SPATA13: variants seen among roughly 807,000 people sequenced by gnomAD.
SPATA13 encodes spermatogenesis associated 13.
Under a neutral mutation model 104.0 loss-of-function variants are expected in SPATA13, and 50 were observed. The ratio of observed to expected loss-of-function variants is 0.48; its 90% CI spans 0.38 to 0.61. SPATA13 has a LOEUF of 0.61. SPATA13 is among the 20% of genes least tolerant of loss of function. SPATA13 has a pLI of 0.00. For missense variants in SPATA13, 1,524 were observed against 1,690.6 expected, an observed-to-expected ratio of 0.90 and a Z score of 1.73; for synonymous variants, 606 against 667.5, an observed-to-expected ratio of 0.91 and a Z score of 1.42.
chr13:23,989,318 A>G (rs1360635926), intron 2 of SPATA13, among the ~76,000 whole-genome samples: 1 of 151,952 alleles, frequency 6.6e-6, no homozygotes, highest in African/African-American at 2.4e-5. Context: ...GCTACTCAGG[A>G]GGCTGAGGAA....
intron 3 of SPATA13, among the ~76,000 whole-genome samples, chr13:24,019,983 C>T (rs1175856629): frequency 1.3e-5 from 2 of 152,176 alleles, no homozygotes; most frequent in African/African-American, 4.8e-5. Context: ...CAGACATCTA[C>T]GTTTATTGAA....
intron 1 of SPATA13, among the ~76,000 whole-genome samples, chr13:24,197,431 A>G (rs56997064): frequency 0.033 from 5,085 of 152,302 alleles, 303 homozygotes; most frequent in African/African-American, 0.11. Flanking sequence ...TAGCTCATCA[A>G]TGAGGGAACC....
intron 7 of SPATA13, among the ~76,000 whole-genome samples, chr13:24,287,784 C>T (rs1052415572): frequency 6.6e-6 from 1 of 152,208 alleles, no homozygotes; most frequent in Admixed American, 6.5e-5. Flanking sequence ...AGTAGAGGTG[C>T]ACCTGAAAGG....
rs1172747696 is a variant in SPATA13, at chr13:24,306,439, A to G, written c.*3666A>G. On this transcript the variant is annotated 3_prime_UTR_variant, in exon 13 of 13. Coordinates refer to ENST00000382108, the MANE Select transcript of SPATA13 (RefSeq NM_001166271.3). Reference sequence around the variant, plus strand: ...CCTCAAAGGAGTGTCAAGAAGTATGAATAAATGTCCTTTCACCAGCTCACA... The same window carrying G: ...CCTCAAAGGAGTGTCAAGAAGTATGGATAAATGTCCTTTCACCAGCTCACA... 1 of 152,226 alleles carries G rather than the reference A, an allele frequency of 6.6e-6. No homozygotes were observed. The highest frequency in any genetic ancestry group is 2.4e-5 in the African/African-American group (1 of 41,456). The allele number at this position is 152,226 out of a possible 1,614,324, so 9.4% of individuals were successfully genotyped here.
At chr13:24,159,031 T>C (rs1456368491), upstream of SPATA13, among the ~76,000 whole-genome samples, 5 of 152,218 alleles carry the variant, frequency 3.3e-5, no homozygotes, top group Non-Finnish European at 5.9e-5. Flanking sequence ...GAAATAACCT[T>C]TTGAAACACA....
intron 3 of SPATA13, among the ~76,000 whole-genome samples, chr13:24,141,413 C>T (rs1881758341): frequency 6.6e-6 from 1 of 152,158 alleles, no homozygotes; most frequent in Non-Finnish European, 1.5e-5. Context: ...CTTGCTAATG[C>T]ATTTGAATCT....
At chr13:24,106,687 G>A (rs570828428) in intron 3 of SPATA13, among the ~76,000 whole-genome samples, 4 of 152,268 alleles carry the variant, frequency 2.6e-5, no homozygotes, top group South Asian at 4.1e-4. Context: ...GCTGGCTCTC[G>A]TTCCAGGGCA....
intron 3 of SPATA13, among the ~76,000 whole-genome samples, chr13:24,106,655 C>T (rs1017763220): frequency 6.6e-6 from 1 of 152,124 alleles, no homozygotes; most frequent in Non-Finnish European, 1.5e-5. Flanking sequence ...ATGTGGAATC[C>T]CCTGGTTCTG....
chr13:24,080,400 G>A (rs954504250), intron 3 of SPATA13, among the ~76,000 whole-genome samples: 2 of 152,178 alleles, frequency 1.3e-5, no homozygotes, highest in African/African-American at 2.4e-5. Flanking sequence ...AAGCTTTGGC[G>A]GCTTGGGCCC....
chr13:24,134,211 C>T (rs1004866005), intron 3 of SPATA13, among the ~76,000 whole-genome samples: 7 of 152,178 alleles, frequency 4.6e-5, no homozygotes, highest in Non-Finnish European at 7.3e-5. Context: ...ATGAGGACTT[C>T]GCTGCCTTTA....
intron 1 of SPATA13, among the ~76,000 whole-genome samples, chr13:24,177,988 C>T (rs1020008068): frequency 1.3e-5 from 2 of 152,112 alleles, no homozygotes; most frequent in Non-Finnish European, 2.9e-5. Context: ...TCCCAAGTAG[C>T]TGGGACTATG....
At position 24,185,724 on chromosome 13, in the gene SPATA13, G is replaced by T. The variant is rs370511784; in HGVS notation, c.-112+24792G>T. 8.3e-3 allele frequency among the ~76,000 whole-genome samples: 1,240 copies of T among 148,572 alleles called. 17 individuals are homozygous for T. The highest frequency in any genetic ancestry group is 0.029 in the African/African-American group (1,187 of 40,628). On this transcript the variant is annotated intron_variant, in intron 1 of 12. Transcript: ENST00000382108. ...CTTAGAACACATACAAATAGATGCA[G>T]TTTTTTTTTTTCATGAGCCCTGTGT...
rs564868590 is a variant in SPATA13, at chr13:24,170,431, C to G, written c.-112+9499C>G. Among the ~76,000 whole-genome samples the G allele has an allele frequency of 1.7e-4, 26 of 152,322 alleles. No homozygotes were observed. In the South Asian group the frequency reaches 3.3e-3, roughly 19 times the overall value. On this transcript the variant is annotated intron_variant, in intron 1 of 12. Coordinates refer to ENST00000382108, the MANE Select transcript of SPATA13 (RefSeq NM_001166271.3). ...CTTTTAAAATTTTTGTGGGTGGACACTACTCATCTCCTTCAGTTTCTCTCT... is the reference window on the plus strand; with the variant it reads ...CTTTTAAAATTTTTGTGGGTGGACAGTACTCATCTCCTTCAGTTTCTCTCT...
At chr13:24,070,469 G>A (rs890840100) in intron 3 of SPATA13, among the ~76,000 whole-genome samples, 4 of 152,126 alleles carry the variant, frequency 2.6e-5, no homozygotes, top group Non-Finnish European at 4.4e-5. Context: ...TGTTTTGGTC[G>A]TGGTTTGGGT....
At chr13:24,248,356 G>A (rs1289780804) in intron 2 of SPATA13, among the ~76,000 whole-genome samples, 2 of 152,254 alleles carry the variant, frequency 1.3e-5, no homozygotes, top group African/African-American at 2.4e-5. Flanking sequence ...CAGAAGTTAG[G>A]TGACTTGCCT....
At chr13:24,052,852 C>CACCGGCCCCCCCCCCCGCT (rs1878406296) in intron 3 of SPATA13, among the ~76,000 whole-genome samples, 1 of 102,530 alleles carries the variant, frequency 9.8e-6, no homozygotes, top group Non-Finnish European at 2.0e-5. Flanking sequence ...CCACTGTGCC[C>CACCGGCCCCCCCCCCCGCT]TGCCCACCAC....
intron 1 of SPATA13, among the ~76,000 whole-genome samples, chr13:24,197,843 C>G (rs977384666): frequency 6.6e-6 from 1 of 152,098 alleles, no homozygotes; most frequent in Admixed American, 6.6e-5. Context: ...CCATTGTGTT[C>G]CCTGGCTCTC....
intron 3 of SPATA13, among the ~76,000 whole-genome samples, chr13:24,019,537 A>G (rs192824400): frequency 2.0e-5 from 3 of 152,322 alleles, no homozygotes; most frequent in Non-Finnish European, 4.4e-5. Context: ...ATTTATGTGT[A>G]TTTTAAAGCA....
intron 4 of SPATA13, among the ~76,000 whole-genome samples, chr13:24,264,572 TG>T (rs1874205527): frequency 1.3e-5 from 2 of 152,260 alleles, no homozygotes; most frequent in Admixed American, 6.5e-5. Flanking sequence ...ATTGTCTAAT[TG>T]ATTTGCACAA....
Sources: allele counts gnomAD v4.1 joint callset (sites outside exome capture counted in the v4.1 genomes callset), GRCh38; gene constraint gnomAD v4.1.1; transcripts MANE v1.5; gene names NCBI Gene and HGNC (gene_info 2026-07-23, HGNC 2026-07-21).